Variants in HCFC2 observed in about 807,000 individuals in gnomAD.
The protein encoded by HCFC2 is host cell factor C2.
In HCFC2, 18 loss-of-function variants were observed where a neutral mutation model predicts 89.2. The ratio of observed to expected loss-of-function variants is 0.20; its 90% CI spans 0.14 to 0.30. The LOEUF is 0.30. Among genes scored for constraint, HCFC2 ranks in the 10% least tolerant of loss-of-function variants. The probability of loss-of-function intolerance (pLI) is 1.00; values close to 1 mark genes in which losing one functional copy is unlikely to be tolerated. For synonymous variants in HCFC2, 308 were observed against 335.7 expected, an observed-to-expected ratio of 0.92 and a Z score of 0.90; for missense variants, 578 against 956.1, an observed-to-expected ratio of 0.60 and a Z score of 5.21.
Position 104,079,479 on chromosome 12 carries a change from C to T in HCFC2, c.508C>T (p.His170Tyr), listed in dbSNP as rs202081777. ...LNDFYELELQ[H>Y]GSGVVGWSIP... Reference sequence around the variant, plus strand: ...TGATTTTTATGAGTTGGAGCTACAGCATGGCTCTGGTGTTGTGGGTTGGAG... The same window carrying T: ...TGATTTTTATGAGTTGGAGCTACAGTATGGCTCTGGTGTTGTGGGTTGGAG... Residue 170 changes from histidine to tyrosine, a missense_variant, in exon 4 of 15, where the codon CAT becomes TAT. Coordinates refer to ENST00000229330, the MANE Select transcript of HCFC2 (RefSeq NM_013320.3). 1 of 1,614,068 alleles carries T rather than the reference C, an allele frequency of 6.2e-7. No individual in the cohort carries two copies. Among genetic ancestry groups the T allele is most frequent in the South Asian group, 1.1e-5 (1 of 91,070 alleles).
At chr12:104,070,236 G>A (rs1210621609) in intron 3 of HCFC2, among the ~76,000 whole-genome samples, 2 of 151,904 alleles carry the variant, frequency 1.3e-5, no homozygotes, top group East Asian at 3.9e-4. Context: ...CACCGCGTTA[G>A]CCAGGATGGT....
rs1296910999 is a variant in HCFC2, at chr12:104,103,305, T to C, written c.*32T>C. On this transcript the variant is annotated 3_prime_UTR_variant, in exon 15 of 15. Transcript: ENST00000229330. ...TTTTTTACTGAAGCTATTGTGATGA[T>C]GATTATTTATTAGTAACTGGTTATG... is the stretch of plus-strand genomic sequence containing the variant. 7.9e-6 allele frequency: 12 copies of C among 1,515,652 alleles called. No individual in the cohort carries two copies. In the Admixed American group the frequency reaches 2.1e-4, roughly 27 times the overall value. The allele number at this position is 1,515,652 out of a possible 1,614,324, so 93.9% of individuals were successfully genotyped here. A position where few individuals can be genotyped will look rare whatever the true frequency, so the allele number is the denominator to read the frequency against.
At chr12:104,083,998 AG>A (rs1351605521) in intron 7 of HCFC2, among the ~76,000 whole-genome samples, 1 of 152,184 alleles carries the variant, frequency 6.6e-6, no homozygotes, top group Non-Finnish European at 1.5e-5. Context: ...ACTGCACTCC[AG>A]CCTGGGTATC....
In HCFC2 at chr12:104,105,887, A is replaced by G. The variant is rs2030073295; in HGVS notation, c.*2614A>G. 1 of 152,090 alleles carries G rather than the reference A, an allele frequency of 6.6e-6. No homozygotes were observed. The highest frequency in any genetic ancestry group is 6.6e-5 in the Admixed American group (1 of 15,264). 9.4% of individuals were successfully genotyped at this position (152,090 alleles called of 1,614,324 possible). A position where few individuals can be genotyped will look rare whatever the true frequency, so the allele number is the denominator to read the frequency against. On this transcript the variant is annotated 3_prime_UTR_variant, in exon 15 of 15. Transcript: ENST00000229330. ...TTAAATGACTTTCTTTACTCTTCCC[A>G]GTCAGGTAAGCAGTTCAAATATAAC... is the stretch of plus-strand genomic sequence containing the variant.
chr12:104,098,216 T>C (rs1884231114), intron 12 of HCFC2, 127 bp from the exon 13 acceptor site: 2 of 646,056 alleles, frequency 3.1e-6, no homozygotes, highest in Non-Finnish European at 5.1e-6. Context: ...TATTTACTTA[T>C]GAGTTGTTAA....
At position 104,064,617 on chromosome 12, in the gene HCFC2, C is replaced by A. The variant is rs1007808980; in HGVS notation, c.57C>A (p.Val19=). The part of the protein sequence containing the change: ...WRRVSSFTGP[V]PRARHGHRAV... The stretch of plus-strand genomic sequence containing the variant: ...GAGTTTCTTCCTTCACGGGGCCGGT[C>A]CCCCGCGCCCGGCACGGACACCGAG... The change falls in exon 1 of 15, where the codon GTC becomes GTA. Residue 19 remains valine (V), a synonymous_variant. Transcript: ENST00000229330. The surrounding 1 kb of genome is among the most constrained non-coding windows in gnomAD (Gnocchi z 7.3). 1.3e-6 allele frequency: 2 copies of A among 1,577,084 alleles called. No individual in the cohort carries two copies. The highest frequency in any genetic ancestry group is 1.7e-6 in the Non-Finnish European group (2 of 1,164,002).
At position 104,079,597 on chromosome 12, in the gene HCFC2, A is replaced by T; in HGVS notation, c.626A>T (p.Tyr209Phe). 6.2e-7 allele frequency: 1 copy of T among 1,614,124 alleles called. No individual in the cohort carries two copies. The highest frequency in any genetic ancestry group is 8.5e-7 in the Non-Finnish European group (1 of 1,180,006). The change falls in exon 4 of 15, where the codon TAT becomes TTT. Residue 209 changes from tyrosine to phenylalanine, a missense_variant. Tyr to Phe is a conservative substitution (Grantham distance 22). Transcript: ENST00000229330. ...AAAGATTCTGGAAGTCCTAAAATGT[A>T]TGTTTTTGGTGGAATGTGTGGTGCT... ...CKKDSGSPKMYVFGGMCGARL... is the reference protein window; with the variant it reads ...CKKDSGSPKMFVFGGMCGARL...
At chr12:104,078,864 C>T (rs547315902) in intron 3 of HCFC2, among the ~76,000 whole-genome samples, 10 of 152,238 alleles carry the variant, frequency 6.6e-5, no homozygotes, top group Non-Finnish European at 5.9e-5. Context: ...TCAACTGCAA[C>T]GCTGAAGGAC....
chr12:104,077,983 C>A lies in HCFC2; in HGVS notation c.474-1462C>A, dbSNP rs1448630554. 7.2e-5 allele frequency among the ~76,000 whole-genome samples: 11 copies of A among 152,044 alleles called. 1 individual carries two copies. The Middle Eastern group carries it at 0.017, about 235-fold the overall frequency. On this transcript the variant is annotated intron_variant, in intron 3 of 14. Transcript: ENST00000229330. The stretch of plus-strand genomic sequence containing the variant: ...ATTTCTCTTATTCAAAGTATTATTT[C>A]TTTATTATTTATTTATGTATTTATT...
chr12:104,064,794 C>A lies in HCFC2; in HGVS notation c.163+71C>A. ...AGGGGGAGGGGAGGCGAGGCGGCGG[C>A]CGCGGCCCTGACAGCTGTCACCGCC... On this transcript the variant is annotated intron_variant, in intron 1 of 14. Transcript: ENST00000229330. The surrounding 1 kb of genome is among the most constrained non-coding windows in gnomAD (Gnocchi z 7.3). The A allele has an allele frequency of 7.0e-7, 1 of 1,424,192 alleles. No individual in the cohort carries two copies. 88.2% of individuals were successfully genotyped at this position (1,424,192 alleles called of 1,614,324 possible).
intron 10 of HCFC2, among the ~76,000 whole-genome samples, chr12:104,094,045 G>A (rs1488598415): frequency 1.3e-5 from 2 of 152,096 alleles, no homozygotes; most frequent in African/African-American, 2.4e-5. Context: ...ATGACTCCCA[G>A]TTTTTTGGGT....
intron 2 of HCFC2, among the ~76,000 whole-genome samples, chr12:104,067,180 TC>T (rs1284666793): frequency 6.6e-6 from 1 of 152,196 alleles, no homozygotes; most frequent in Non-Finnish European, 1.5e-5. Context: ...AATAAAACTT[TC>T]CACATTTGGA....
intron 12 of HCFC2, chr12:104,098,048 A>G (rs541717458): frequency 8.2e-6 from 2 of 244,072 alleles, no homozygotes; most frequent in South Asian, 1.7e-4. Flanking sequence ...ACAATGTTCT[A>G]TAAAATAGCT....
intron 12 of HCFC2, 32 bp from the exon 13 acceptor site, chr12:104,098,311 G>A (rs781077631): frequency 1.3e-6 from 2 of 1,570,432 alleles, no homozygotes; most frequent in South Asian, 2.4e-5. Context: ...TTCAATAAGA[G>A]TCTTCATAAA....
chr12:104,082,924 T>C (rs1883727554), intron 7 of HCFC2, 23 bp downstream of exon 7: 2 of 1,558,038 alleles, frequency 1.3e-6, no homozygotes, highest in East Asian at 2.3e-5. Context: ...ATTTAACAAA[T>C]AAACTTTTTC....
At chr12:104,074,401 C>T (rs535128587) in intron 3 of HCFC2, among the ~76,000 whole-genome samples, 2 of 152,290 alleles carry the variant, frequency 1.3e-5, no homozygotes, top group African/African-American at 4.8e-5. Flanking sequence ...CTCAAGTGAT[C>T]CTCCCACCTT....
intron 3 of HCFC2, among the ~76,000 whole-genome samples, chr12:104,071,155 C>T (rs1170411672): frequency 1.3e-5 from 2 of 152,186 alleles, no homozygotes; most frequent in Non-Finnish European, 2.9e-5. Context: ...TTCCATTAAA[C>T]AGATTTTTAA....
Position 104,066,331 on chromosome 12 carries a change from ATTG to A in HCFC2, c.312+19_312+21del. 3.2e-6 allele frequency: 5 copies of A among 1,549,020 alleles called. No individual in the cohort carries two copies. The highest frequency in any genetic ancestry group is 4.4e-6 in the Non-Finnish European group (5 of 1,145,590). On this transcript the variant is annotated intron_variant, in intron 2 of 14. Transcript: ENST00000229330. ...TGAGTTACAAGTAAGTGTATTTAAT[ATTG>A]TTTCATTCTGAGGCTTTAATAATGA...
chr12:104,079,570 A>G lies in HCFC2; in HGVS notation c.599A>G (p.Lys200Arg), dbSNP rs768259042. The change falls in exon 4 of 15, where the codon AAA becomes AGA. Residue 200 changes from lysine (K) to arginine (R), a missense_variant. By Grantham distance (26) the Lys-to-Arg change is conservative. This residue lies in a region of HCFC2 where 206 missense variants were observed against 419.2 expected (regional missense o/e 0.49). Coordinates refer to ENST00000229330, the MANE Select transcript of HCFC2 (RefSeq NM_013320.3). ...RESHTAVIYC[K>R]KDSGSPKMYV... Reference sequence around the variant, plus strand: ...TCCCACACAGCTGTTATATATTGCAAAAAAGATTCTGGAAGTCCTAAAATG... The same window carrying G: ...TCCCACACAGCTGTTATATATTGCAGAAAAGATTCTGGAAGTCCTAAAATG... The G allele has an allele frequency of 1.2e-6, 2 of 1,614,040 alleles. No individual in the cohort carries two copies. Among genetic ancestry groups the G allele is most frequent in the African/African-American group, 1.3e-5 (1 of 74,918 alleles).
Sources: gnomAD v4.1 joint callset for allele counts (sites outside exome capture counted in the v4.1 genomes callset) on GRCh38, gnomAD v4.1.1 for gene constraint, gnomAD v4.1.1 regional missense constraint, Gnocchi (gnomAD v3.1) non-coding constraint, MANE v1.5 for transcripts, NCBI Gene and HGNC (gene_info 2026-07-23, HGNC 2026-07-21) for gene names.